GRIK4: variants seen among roughly 807,000 people sequenced by gnomAD.
GRIK4 encodes glutamate receptor ionotropic, kainate 4.
GRIK4 carries 40 observed loss-of-function variants against 104.9 expected under a neutral mutation model. The ratio of observed to expected loss-of-function variants is 0.38; its 90% confidence interval spans 0.30 to 0.50. The LOEUF (loss-of-function observed/expected upper bound fraction) is 0.50. Ranked by LOEUF, GRIK4 falls within the 20% of genes least tolerant of loss-of-function variation. The pLI is 0.93. For synonymous variants in GRIK4, 485 were observed against 524.9 expected, an observed-to-expected ratio of 0.92 and a Z score of 1.04; for missense variants, 1,047 against 1,308.1, an observed-to-expected ratio of 0.80 and a Z score of 3.08.
chr11:120,571,711 C>T (rs1948402293), intron 1 of GRIK4, among the ~76,000 whole-genome samples: 1 of 152,062 alleles, frequency 6.6e-6, no homozygotes, highest in African/African-American at 2.4e-5. Flanking sequence ...CTCTTGCCAG[C>T]CCCCATTGTG....
At position 120,640,558 on chromosome 11, in the gene GRIK4, T is replaced by C. The variant is rs149344665; in HGVS notation, c.-158-13127T>C. On this transcript the variant is annotated intron_variant, in intron 1 of 20. Coordinates refer to ENST00000527524, the MANE Select transcript of GRIK4 (RefSeq NM_014619.5). Reference sequence around the variant, plus strand: ...AAGACCCCAATCCATCACCATCAAATTGCCCTTGGACTTTTTCAAGGTATA... The same window carrying C: ...AAGACCCCAATCCATCACCATCAAACTGCCCTTGGACTTTTTCAAGGTATA... Among the ~76,000 whole-genome samples, 228 of 152,308 alleles carry C rather than the reference T, an allele frequency of 1.5e-3. 4 individuals are homozygous for C. In the East Asian group the frequency reaches 0.033, roughly 22 times the overall value.
At position 120,655,312 on chromosome 11, in the gene GRIK4, T is replaced by C. The variant is rs1173762158; in HGVS notation, c.-51+1520T>C. Among the ~76,000 whole-genome samples, 5 of 151,850 alleles carry C rather than the reference T, an allele frequency of 3.3e-5. No individual in the cohort carries two copies. The East Asian group carries it at 7.7e-4, about 24-fold the overall frequency. ...GGACTGCATTCCAAGCAGAAGCACA[T>C]GCAGGGGGCAGAGGGCACAGTGAAA... On this transcript the variant is annotated intron_variant, in intron 2 of 20. Coordinates refer to ENST00000527524, the MANE Select transcript of GRIK4 (RefSeq NM_014619.5).
rs547918009 is a variant in GRIK4, at chr11:120,831,008, G to A, written c.512-844G>A. ...AACCCCTCCTCCCACCAGGGCCCTA[G>A]GCATCAAATAGCTGGTGGGTGGGAG... On this transcript the variant is annotated intron_variant, in intron 6 of 20. Coordinates refer to ENST00000527524, the MANE Select transcript of GRIK4 (RefSeq NM_014619.5). Among the ~76,000 whole-genome samples the A allele has an allele frequency of 6.1e-4, 93 of 152,172 alleles. 1 individual carries two copies. The highest frequency in any genetic ancestry group is 2.2e-3 in the African/African-American group (93 of 41,526).
chr11:120,607,820 G>A (rs1051265770), intron 1 of GRIK4, among the ~76,000 whole-genome samples: 3 of 152,146 alleles, frequency 2.0e-5, no homozygotes, highest in African/African-American at 4.8e-5. Flanking sequence ...GGAAACACAG[G>A]AATTTATAGA....
intron 8 of GRIK4, among the ~76,000 whole-genome samples, chr11:120,845,063 A>G (rs61901427): frequency 0.04 from 6,139 of 152,296 alleles, 183 homozygotes; most frequent in South Asian, 0.13. Context: ...CCAGAACCCA[A>G]GGGTCTTTAG....
chr11:120,875,123 A>G lies in GRIK4; in HGVS notation c.1060-16A>G, dbSNP rs776865563. The G allele has an allele frequency of 1.3e-5, 20 of 1,536,174 alleles. No homozygotes were observed. The South Asian group carries it at 2.0e-4, about 15-fold the overall frequency. ...TGGGGCCTGTTTGGTGCTGTAACTCACTCTCTCTTGGACAGGTAGAATTGG... is the reference window on the plus strand; with the variant it reads ...TGGGGCCTGTTTGGTGCTGTAACTCGCTCTCTCTTGGACAGGTAGAATTGG... On this transcript the variant is annotated splice_polypyrimidine_tract_variant and intron_variant, in intron 10 of 20. Transcript: ENST00000527524.
intron 8 of GRIK4, among the ~76,000 whole-genome samples, chr11:120,847,844 C>G (rs1953887228): frequency 6.6e-6 from 1 of 152,178 alleles, no homozygotes; most frequent in South Asian, 2.1e-4. Context: ...ATCATAAAAT[C>G]CCAGACCCAG....
intron 1 of GRIK4, among the ~76,000 whole-genome samples, chr11:120,618,884 C>T (rs987403258): frequency 6.6e-6 from 1 of 152,190 alleles, no homozygotes; most frequent in Non-Finnish European, 1.5e-5. Context: ...GGGTTGGAGC[C>T]CTCATGGAGA....
intron 1 of GRIK4, among the ~76,000 whole-genome samples, chr11:120,532,273 T>G (rs1024427546): frequency 6.6e-6 from 1 of 152,198 alleles, no homozygotes; most frequent in Non-Finnish European, 1.5e-5. Context: ...CTAAGCTCTC[T>G]GCAGCCCTGT....
At chr11:120,661,076 G>A (rs1949806492) in intron 3 of GRIK4, among the ~76,000 whole-genome samples, 1 of 152,200 alleles carries the variant, frequency 6.6e-6, no homozygotes, top group African/African-American at 2.4e-5. Flanking sequence ...TCAACTGCAG[G>A]TTGAGGCTCT....
intron 1 of GRIK4, among the ~76,000 whole-genome samples, chr11:120,517,170 T>G (rs1375349216): frequency 6.7e-6 from 1 of 149,260 alleles, no homozygotes; most frequent in Non-Finnish European, 1.5e-5. Context: ...CAGGGCCTTG[T>G]CCGCTTTGTT....
At chr11:120,823,731 G>C (rs554685212) in intron 6 of GRIK4, among the ~76,000 whole-genome samples, 1 of 152,334 alleles carries the variant, frequency 6.6e-6, no homozygotes, top group Admixed American at 6.5e-5. Context: ...CCTCGAGCAG[G>C]GGTGCAGGAC....
intron 3 of GRIK4, among the ~76,000 whole-genome samples, chr11:120,751,817 T>G (rs1259567357): frequency 6.6e-6 from 1 of 152,144 alleles, no homozygotes; most frequent in Admixed American, 6.5e-5. Context: ...TCAGCAGCAG[T>G]CCTCGGTGCT....
intron 1 of GRIK4, among the ~76,000 whole-genome samples, chr11:120,560,234 T>C (rs145341111): frequency 6.6e-6 from 1 of 152,166 alleles, no homozygotes; most frequent in Non-Finnish European, 1.5e-5. Flanking sequence ...GTATTTTTAG[T>C]AGAGATGGTG....
chr11:120,896,144 A>T (rs1942574222), intron 11 of GRIK4, among the ~76,000 whole-genome samples: 2 of 152,218 alleles, frequency 1.3e-5, no homozygotes, highest in South Asian at 4.1e-4. Flanking sequence ...CAGGCTGCTC[A>T]TGGGGAAGAC....
intron 19 of GRIK4, among the ~76,000 whole-genome samples, chr11:120,969,631 G>T (rs1008595083): frequency 2.6e-5 from 4 of 152,172 alleles, no homozygotes; most frequent in Non-Finnish European, 5.9e-5. Context: ...AATAAAGTTG[G>T]ATGATTGTCA....
rs1007656599 is a variant in GRIK4, at chr11:120,953,753, T to C, written c.1700+789T>C. Among the ~76,000 whole-genome samples the C allele has an allele frequency of 3.3e-5, 5 of 152,164 alleles. No homozygotes were observed. The highest frequency in any genetic ancestry group is 1.2e-4 in the African/African-American group (5 of 41,448). ...TAGTTTCGCTCCAGGCCAAGGCTGT[T>C]GGGCCAGCCTGAGCTGCAGGAGAGC... On this transcript the variant is annotated intron_variant, in intron 15 of 20. Transcript: ENST00000527524. The surrounding 1 kb of genome is among the most constrained non-coding windows in gnomAD (Gnocchi z 4.9).
chr11:120,543,779 A>G (rs1406826886), intron 1 of GRIK4, among the ~76,000 whole-genome samples: 1 of 152,214 alleles, frequency 6.6e-6, no homozygotes, highest in Non-Finnish European at 1.5e-5. Context: ...TATGTGGTCC[A>G]CACATACAGT....
At chr11:120,763,432 C>T (rs1002868269) in intron 3 of GRIK4, among the ~76,000 whole-genome samples, 10 of 152,110 alleles carry the variant, frequency 6.6e-5, no homozygotes, top group African/African-American at 2.2e-4. Flanking sequence ...TTTTTCATGC[C>T]TCTATCTCCT....
Sources: allele counts gnomAD v4.1 joint callset (sites outside exome capture counted in the v4.1 genomes callset), GRCh38; gene constraint gnomAD v4.1.1; non-coding constraint Gnocchi (gnomAD v3.1); transcripts MANE v1.5; gene names NCBI Gene and HGNC (gene_info 2026-07-23, HGNC 2026-07-21).